Variants in MYRIP observed in about 807,000 individuals in gnomAD.
MYRIP encodes myosin VIIA and Rab interacting protein.
In MYRIP, 49 loss-of-function variants were observed where a neutral mutation model predicts 98.0. That is an observed-to-expected ratio of 0.50 (90% confidence interval 0.40 to 0.63). The LOEUF (loss-of-function observed/expected upper bound fraction) is 0.63. Ranked by LOEUF, MYRIP falls within the 30% of genes least tolerant of loss-of-function variation. MYRIP has a pLI of 0.00. For synonymous variants in MYRIP, 404 were observed against 409.5 expected (o/e 0.99, Z 0.16); for missense variants, 1,004 against 1,058.2 (o/e 0.95, Z 0.71).
At chr3:39,900,507 C>T (rs1252876717) in intron 1 of MYRIP, among the ~76,000 whole-genome samples, 5 of 152,014 alleles carry the variant, frequency 3.3e-5, no homozygotes, top group Non-Finnish European at 5.9e-5. Flanking sequence ...GAAATCCATA[C>T]TAAGTCTTAT....
intron 3 of MYRIP, among the ~76,000 whole-genome samples, chr3:40,071,531 C>A (rs10865893): frequency 0.67 from 102,316 of 151,980 alleles, 35,507 homozygotes; most frequent in Non-Finnish European, 0.76. Flanking sequence ...AGAAAGGGAG[C>A]AATTGATGAT....
chr3:40,094,554 C>T (rs1009158762), intron 3 of MYRIP, among the ~76,000 whole-genome samples: 6 of 152,156 alleles, frequency 3.9e-5, no homozygotes, highest in African/African-American at 1.2e-4. Context: ...CCCAGGGGTC[C>T]CTAAGGGATA....
intron 2 of MYRIP, among the ~76,000 whole-genome samples, chr3:40,020,261 A>C (rs1946961988): frequency 1.3e-5 from 2 of 152,126 alleles, no homozygotes; most frequent in Non-Finnish European, 2.9e-5. Flanking sequence ...CTGTTCTTGC[A>C]TTAAGAATTA....
rs1471404979 is a variant in MYRIP at position 40,256,029 on chromosome 3, A to G, written c.2548-2105A>G. ...TTGTGTAATGAGGGTAATGGTCTAT[A>G]TCTGCAGTGACCAGTACAGTGGCCA... is the stretch of plus-strand genomic sequence containing the variant. On this transcript the variant is annotated intron_variant, in intron 16 of 16. Transcript: ENST00000302541. Among the ~76,000 whole-genome samples the G allele has an allele frequency of 2.0e-5, 3 of 152,346 alleles. No individual in the cohort carries two copies. In the East Asian group the frequency reaches 5.8e-4, roughly 29 times the overall value.
At chr3:40,152,489 A>G (rs1950142878) in intron 4 of MYRIP, among the ~76,000 whole-genome samples, 1 of 152,248 alleles carries the variant, frequency 6.6e-6, no homozygotes, top group Non-Finnish European at 1.5e-5. Flanking sequence ...CTAAGTCTCC[A>G]CAAGTGGAGA....
Position 40,190,394 on chromosome 3 carries a change from G to A in MYRIP, c.1596G>A (p.Leu532=), listed in dbSNP as rs752080540. 5.3e-5 allele frequency: 86 copies of A among 1,613,280 alleles called. No individual in the cohort carries two copies. Among genetic ancestry groups the A allele is most frequent in the Admixed American group, 1.7e-4 (10 of 59,912 alleles). The change falls in exon 10 of 17, where the codon CTG becomes CTA. Residue 532 remains leucine, a synonymous_variant. Coordinates refer to ENST00000302541, the MANE Select transcript of MYRIP (RefSeq NM_015460.4). Reference sequence around the variant, plus strand: ...CCAGGAGGTGGAGAAGAGCCCGACTGGGCTCAGAAGAGCCAAGCAAAGAAC... The same window carrying A: ...CCAGGAGGTGGAGAAGAGCCCGACTAGGCTCAGAAGAGCCAAGCAAAGAAC... The part of the protein sequence containing the change: ...RRARRWRRAR[L]GSEEPSKEPS...
chr3:39,951,706 C>T (rs1271932596), intron 2 of MYRIP, among the ~76,000 whole-genome samples: 1 of 151,884 alleles, frequency 6.6e-6, no homozygotes, highest in Non-Finnish European at 1.5e-5. Context: ...GCTAATGGAC[C>T]ATACAAAAAC....
intron 3 of MYRIP, among the ~76,000 whole-genome samples, chr3:40,080,354 T>C (rs1396115318): frequency 2.0e-5 from 3 of 152,168 alleles, no homozygotes; most frequent in African/African-American, 7.2e-5. Context: ...ACAGGTGAGA[T>C]TGACCTATAA....
intron 3 of MYRIP, among the ~76,000 whole-genome samples, chr3:40,150,257 G>C (rs1208334601): frequency 6.6e-6 from 1 of 151,920 alleles, no homozygotes; most frequent in Non-Finnish European, 1.5e-5. Context: ...CACCCAGCTA[G>C]TTTTTGTATT....
chr3:39,923,938 A>G (rs1012328062), intron 2 of MYRIP, among the ~76,000 whole-genome samples: 2 of 152,134 alleles, frequency 1.3e-5, no homozygotes, highest in Non-Finnish European at 2.9e-5. Context: ...GATGTATGTT[A>G]TGGCTATAAA....
At position 40,190,077 on chromosome 3, in the gene MYRIP, C is replaced by T; in HGVS notation, c.1279C>T (p.Gln427Ter). The change falls in exon 10 of 17, where the codon CAG becomes TAG. Residue 427 changes from glutamine to a stop codon, truncating the protein, a stop_gained. Transcript: ENST00000302541. LOFTEE classifies it high-confidence loss of function. The stretch of plus-strand genomic sequence containing the variant: ...CAGGAACCCCCAGCCTCAGCCCACA[C>T]AGGCCCAGAGCTCTGACCAAGGCCC... ...LPRNPQPQPTQAQSSDQGPIA... is the reference protein window; with the variant it reads ...LPRNPQPQPT 1 of 1,614,052 alleles carries T rather than the reference C, an allele frequency of 6.2e-7. No individual in the cohort carries two copies. Among genetic ancestry groups the T allele is most frequent in the Non-Finnish European group, 8.5e-7 (1 of 1,179,956 alleles).
intron 5 of MYRIP, among the ~76,000 whole-genome samples, chr3:40,164,658 A>T (rs1420645580): frequency 6.6e-6 from 1 of 152,164 alleles, no homozygotes; most frequent in Non-Finnish European, 1.5e-5. Context: ...CCCACCATCT[A>T]GCTGGTCTTC....
chr3:40,234,321 C>T (rs1366645333), intron 12 of MYRIP, among the ~76,000 whole-genome samples: 1 of 152,148 alleles, frequency 6.6e-6, no homozygotes. Flanking sequence ...GGGAAGAATC[C>T]AAGCAAGGAC....
At chr3:40,199,669 C>T (rs1158234903) in intron 10 of MYRIP, among the ~76,000 whole-genome samples, 7 of 152,118 alleles carry the variant, frequency 4.6e-5, no homozygotes, top group South Asian at 2.1e-4. Context: ...CGTACACAGA[C>T]GAAAGGGTAA....
chr3:40,018,787 G>A (rs1395320162), intron 2 of MYRIP, among the ~76,000 whole-genome samples: 2 of 152,022 alleles, frequency 1.3e-5, no homozygotes, highest in Non-Finnish European at 2.9e-5. Flanking sequence ...CTAACATTAT[G>A]GACAATCAAA....
intron 2 of MYRIP, among the ~76,000 whole-genome samples, chr3:39,964,325 C>G (rs1206199306): frequency 6.6e-6 from 1 of 152,060 alleles, no homozygotes; most frequent in African/African-American, 2.4e-5. Context: ...TAAGAAGTTG[C>G]TGGCATGAGT....
At chr3:40,252,746 T>A (rs889062503) in intron 16 of MYRIP, among the ~76,000 whole-genome samples, 4 of 152,214 alleles carry the variant, frequency 2.6e-5, no homozygotes, top group African/African-American at 9.6e-5. Context: ...TGTTGATAGC[T>A]GGTTGTCCAA....
At chr3:39,849,758 G>A (rs1224156914) in intron 1 of MYRIP, among the ~76,000 whole-genome samples, 1 of 152,134 alleles carries the variant, frequency 6.6e-6, no homozygotes, top group Non-Finnish European at 1.5e-5. Context: ...GTAGAGAGAT[G>A]ATGATTCTCC....
intron 3 of MYRIP, among the ~76,000 whole-genome samples, chr3:40,139,522 A>G (rs945724889): frequency 6.6e-6 from 1 of 152,166 alleles, no homozygotes; most frequent in African/African-American, 2.4e-5. Flanking sequence ...TTTTATTTAA[A>G]TATTCTTTTA....
Sources: gnomAD v4.1 joint callset for allele counts (sites outside exome capture counted in the v4.1 genomes callset) on GRCh38, gnomAD v4.1.1 for gene constraint, MANE v1.5 for transcripts, NCBI Gene and HGNC (gene_info 2026-07-23, HGNC 2026-07-21) for gene names.